The following ZNF138 variants were observed in gnomAD, a reference collection of about 807,000 sequenced individuals.
The protein encoded by ZNF138 is zinc finger protein 138.
A neutral mutation model predicts 33.0 loss-of-function variants in ZNF138; 33 were observed. The ratio of observed to expected loss-of-function variants is 1.00; its 90% CI spans 0.76 to 1.34. The LOEUF (loss-of-function observed/expected upper bound fraction) is 1.34. Among genes scored for constraint, ZNF138 ranks in the 40% most tolerant of loss-of-function variants. ZNF138 has a pLI of 0.00. For synonymous variants in ZNF138, 139 were observed against 120.4 expected (o/e 1.15, Z -1.01); for missense variants, 360 against 370.8 (o/e 0.97, Z 0.24).
At chr7:64,844,713 G>C in the ZNF138 span, among the ~76,000 whole-genome samples, 6 of 151,552 alleles carry the variant, frequency 4.0e-5, no homozygotes, top group South Asian at 1.2e-3. Flanking sequence ...ATGAGACAGA[G>C]TCTTGCTGTG....
At chr7:64,849,034 A>G in the ZNF138 span, among the ~76,000 whole-genome samples, 1 of 152,152 alleles carries the variant, frequency 6.6e-6, no homozygotes, top group Non-Finnish European at 1.5e-5. Context: ...TTGTTTTGTC[A>G]TACTACCAGA....
At chr7:64,815,761 T>C (rs1297047943) in intron 3 of ZNF138, 108 bp downstream of exon 3, 3 of 1,075,640 alleles carry the variant, frequency 2.8e-6, no homozygotes, top group Middle Eastern at 2.1e-4. Context: ...GGAAATAGTT[T>C]CTGGAAAGCC....
At chr7:64,854,813 T>A in the ZNF138 span, among the ~76,000 whole-genome samples, 1 of 152,208 alleles carries the variant, frequency 6.6e-6, no homozygotes, top group Non-Finnish European at 1.5e-5. Context: ...AGAGTATTCT[T>A]TAGGTGGCTT....
At chr7:64,796,801 G>A (rs969001757) in intron 1 of ZNF138, among the ~76,000 whole-genome samples, 3 of 152,238 alleles carry the variant, frequency 2.0e-5, no homozygotes, top group African/African-American at 7.2e-5. Context: ...CCAGCACTGT[G>A]GGAGGCCAAG....
At chr7:64,805,474 C>T (rs1055845357) in intron 1 of ZNF138, among the ~76,000 whole-genome samples, 3 of 152,020 alleles carry the variant, frequency 2.0e-5, no homozygotes, top group Non-Finnish European at 4.4e-5. Flanking sequence ...TGCAATTCTA[C>T]CTAGGAGTCC....
intron 3 of ZNF138, among the ~76,000 whole-genome samples, chr7:64,826,301 CAG>C (rs1207760849): frequency 1.1e-4 from 17 of 151,974 alleles, no homozygotes; most frequent in Non-Finnish European, 2.4e-4. Flanking sequence ...TTTATTGAGA[CAG>C]AGTTTCGCTC....
At chr7:64,823,964 C>T (rs867895956) in intron 3 of ZNF138, among the ~76,000 whole-genome samples, 3 of 152,054 alleles carry the variant, frequency 2.0e-5, no homozygotes, top group African/African-American at 7.2e-5. Context: ...AAATTTAATA[C>T]GGCTTGGTAT....
chr7:64,852,311 G>T, the ZNF138 span: 1 of 895,178 alleles, frequency 1.1e-6, no homozygotes. Flanking sequence ...TGAGATTTTT[G>T]TTGCTTATAG....
intron 1 of ZNF138, among the ~76,000 whole-genome samples, chr7:64,798,394 GTATTT>G (rs1180449835): frequency 6.6e-6 from 1 of 152,208 alleles, no homozygotes; most frequent in Non-Finnish European, 1.5e-5. Flanking sequence ...TGATTAAGAA[GTATTT>G]TATTTGACCG....
chr7:64,796,148 A>C (rs186055329), intron 1 of ZNF138, among the ~76,000 whole-genome samples: 6 of 152,366 alleles, frequency 3.9e-5, no homozygotes, highest in African/African-American at 1.4e-4. Context: ...ATTTCGGCCC[A>C]CTGGATTCTC....
downstream of ZNF138, among the ~76,000 whole-genome samples, chr7:64,834,165 TC>T (rs1790299253): frequency 6.6e-6 from 1 of 152,244 alleles, no homozygotes; most frequent in Non-Finnish European, 1.5e-5. Context: ...TGCTCAAACT[TC>T]GTTCAACATC....
chr7:64,840,074 A>T, the ZNF138 span, among the ~76,000 whole-genome samples: 1 of 152,018 alleles, frequency 6.6e-6, no homozygotes, highest in African/African-American at 2.4e-5. Context: ...GGGTGGTGGG[A>T]ACAGGAAAGG....
rs1278197049 is a variant in ZNF138, at chr7:64,796,325, A to C, written c.3+1754A>C. 1.3e-5 allele frequency among the ~76,000 whole-genome samples: 2 copies of C among 152,190 alleles called. 1 individual carries two copies. The highest frequency in any genetic ancestry group is 6.3e-3 in the Middle Eastern group (2 of 316). Reference sequence around the variant, plus strand: ...CAGAGAGGGTGGTCGTTTAGCACTTAAGTGAGCAGGATGGGGTGGGAGAAT... The same window carrying C: ...CAGAGAGGGTGGTCGTTTAGCACTTCAGTGAGCAGGATGGGGTGGGAGAAT... On this transcript the variant is annotated intron_variant, in intron 1 of 3. Coordinates refer to ENST00000307355, the MANE Select transcript of ZNF138 (RefSeq NM_001271639.2).
chr7:64,819,430 G>A (rs1788933580), intron 3 of ZNF138, among the ~76,000 whole-genome samples: 1 of 150,600 alleles, frequency 6.6e-6, no homozygotes, highest in South Asian at 2.1e-4. Context: ...TGCAGTGGAA[G>A]GATCTTGGCT....
At chr7:64,813,728 C>CT (rs1351661702) in intron 1 of ZNF138, among the ~76,000 whole-genome samples, 1 of 152,148 alleles carries the variant, frequency 6.6e-6, no homozygotes, top group African/African-American at 2.4e-5. Flanking sequence ...GTCACCCCGC[C>CT]TGGCCAAATG....
chr7:64,801,424 A>G (rs1363973381), intron 1 of ZNF138, among the ~76,000 whole-genome samples: 1 of 152,136 alleles, frequency 6.6e-6, no homozygotes, highest in Non-Finnish European at 1.5e-5. Flanking sequence ...TATACCCAAA[A>G]GTTATTCAGG....
Position 64,832,846 on chromosome 7 carries a change from A to C in ZNF138, c.*644A>C. 2.3e-6 allele frequency: 1 copy of C among 438,306 alleles called. No homozygotes were observed. Among genetic ancestry groups the C allele is most frequent in the South Asian group, 1.8e-5 (1 of 56,280 alleles). The allele number at this position is 438,306 out of a possible 1,614,324, so 27.2% of individuals were successfully genotyped here. On this transcript the variant is annotated 3_prime_UTR_variant, in exon 4 of 4. Transcript: ENST00000307355. ...AGAGAGAAACCCTACAAATGTGAAG[A>C]ATGTGGCATATCTTTTAACCAGTTC... is the stretch of plus-strand genomic sequence containing the variant.
chr7:64,820,446 G>T (rs1400089005), intron 3 of ZNF138, among the ~76,000 whole-genome samples: 3 of 151,738 alleles, frequency 2.0e-5, no homozygotes, highest in Admixed American at 6.5e-5. Flanking sequence ...AGGGACAGTT[G>T]CTTCAGCCTT....
At chr7:64,842,414 C>G in the ZNF138 span, among the ~76,000 whole-genome samples, 2 of 152,102 alleles carry the variant, frequency 1.3e-5, no homozygotes, top group Non-Finnish European at 1.5e-5. Flanking sequence ...AATAAAATGA[C>G]CTCTGTGGAT....
Sources: gnomAD v4.1 joint callset for allele counts (sites outside exome capture counted in the v4.1 genomes callset) on GRCh38, gnomAD v4.1.1 for gene constraint, MANE v1.5 for transcripts, NCBI Gene and HGNC (gene_info 2026-07-23, HGNC 2026-07-21) for gene names.